FSTL1: variants seen among roughly 807,000 people sequenced by gnomAD.
FSTL1 encodes follistatin-related protein 1.
Under a neutral mutation model 45.9 loss-of-function variants are expected in FSTL1, and 24 were observed. The ratio of observed to expected loss-of-function variants is 0.52; its 90% CI spans 0.38 to 0.74. FSTL1 has a LOEUF of 0.74. Among genes scored for constraint, FSTL1 ranks in the 30% least tolerant of loss-of-function variants. The pLI is 0.00. For synonymous variants in FSTL1, 120 were observed against 137.6 expected, an observed-to-expected ratio of 0.87 and a Z score of 0.89; for missense variants, 340 against 381.8, an observed-to-expected ratio of 0.89 and a Z score of 0.91.
intron 6 of FSTL1, among the ~76,000 whole-genome samples, chr3:120,406,795 C>T (rs534610939): frequency 6.6e-6 from 1 of 152,066 alleles, no homozygotes; most frequent in East Asian, 1.9e-4. Context: ...TCTCTCTGTG[C>T]CTCTTTCCCC....
intron 3 of FSTL1, among the ~76,000 whole-genome samples, chr3:120,413,776 A>ACTCCCT (rs777544939): frequency 2.2e-4 from 8 of 35,940 alleles, no homozygotes; most frequent in African/African-American, 4.5e-4. Context: ...TAAAAAAAAA[A>ACTCCCT]CTCCCTCTCC....
At chr3:120,407,937 A>C (rs1936978097) in intron 6 of FSTL1, among the ~76,000 whole-genome samples, 1 of 152,138 alleles carries the variant, frequency 6.6e-6, no homozygotes, top group African/African-American at 2.4e-5. Flanking sequence ...TGTTGAGGGG[A>C]ATGTGGCATA....
chr3:120,412,428 G>A (rs1312967891), intron 3 of FSTL1, among the ~76,000 whole-genome samples: 1 of 152,208 alleles, frequency 6.6e-6, no homozygotes, highest in Non-Finnish European at 1.5e-5. Flanking sequence ...TCTGCCTTCT[G>A]CCATGTGAGG....
chr3:120,402,981 A>G (rs1936856472), intron 8 of FSTL1, 63 bp from the exon 9 acceptor site: 1 of 1,070,442 alleles, frequency 9.3e-7, no homozygotes, highest in Non-Finnish European at 1.5e-6. Context: ...CATCTTTGCT[A>G]CAGTCTGTGC....
intron 8 of FSTL1, 30 bp downstream of exon 8, chr3:120,403,212 A>G: frequency 8.2e-7 from 1 of 1,220,118 alleles, no homozygotes; most frequent in Non-Finnish European, 1.2e-6. Context: ...TCCATTCACT[A>G]CAGCTCTCTA....
At chr3:120,414,905 GT>G (rs1365105178) in intron 3 of FSTL1, among the ~76,000 whole-genome samples, 1 of 150,194 alleles carries the variant, frequency 6.7e-6, no homozygotes, top group Non-Finnish European at 1.5e-5. Flanking sequence ...TTGTTCACTT[GT>G]TTATCTGCTG....
intron 2 of FSTL1, among the ~76,000 whole-genome samples, chr3:120,417,021 C>G (rs1937198194): frequency 2.0e-5 from 3 of 152,162 alleles, no homozygotes; most frequent in Admixed American, 2.0e-4. Context: ...TGTGATTTCC[C>G]CAGCTTCTCA....
At chr3:120,442,731 C>T (rs1313108652) in intron 2 of FSTL1, among the ~76,000 whole-genome samples, 8 of 144,942 alleles carry the variant, frequency 5.5e-5, no homozygotes, top group East Asian at 2.1e-4. Context: ...TGCAGTGAGC[C>T]GAGATCGCAC....
chr3:120,448,955 C>T (rs2107675540), intron 2 of FSTL1, among the ~76,000 whole-genome samples: 1 of 152,332 alleles, frequency 6.6e-6, no homozygotes, highest in East Asian at 1.9e-4. Flanking sequence ...AATTCTTGAG[C>T]CTGCTGGAAA....
chr3:120,415,726 C>A, intron 3 of FSTL1, 197 bp downstream of exon 3: 3 of 493,282 alleles, frequency 6.1e-6, no homozygotes, highest in Non-Finnish European at 1.1e-5. Context: ...TCTTATAAAG[C>A]TAAATTTTTT....
rs1490859198 is a variant in FSTL1, at chr3:120,446,670, T to C, written c.63+4014A>G. On this transcript the variant is annotated intron_variant, in intron 2 of 10. Coordinates refer to ENST00000295633, the MANE Select transcript of FSTL1 (RefSeq NM_007085.5). ...GATGCAGTCAGAGATATGGGTTAGA[T>C]GCAAGGCTTACTTGAGTCTACCATC... Among the ~76,000 whole-genome samples, 9 of 152,340 alleles carry C rather than the reference T, an allele frequency of 5.9e-5. No individual in the cohort carries two copies. In the East Asian group the frequency reaches 1.7e-3, roughly 29 times the overall value.
At chr3:120,430,315 G>A (rs2107665848) in intron 2 of FSTL1, among the ~76,000 whole-genome samples, 1 of 152,244 alleles carries the variant, frequency 6.6e-6, no homozygotes, top group East Asian at 1.9e-4. Flanking sequence ...TCTCAACCCT[G>A]GTTTAAGGCT....
intron 7 of FSTL1, among the ~76,000 whole-genome samples, chr3:120,403,695 C>G (rs531475981): frequency 6.6e-6 from 1 of 151,878 alleles, no homozygotes; most frequent in Non-Finnish European, 1.5e-5. Flanking sequence ...GGTATATACA[C>G]GTCAAGTCAA....
intron 2 of FSTL1, among the ~76,000 whole-genome samples, chr3:120,425,258 C>T (rs575426958): frequency 2.4e-4 from 36 of 151,462 alleles, no homozygotes; most frequent in Admixed American, 2.2e-3. Context: ...AGAGTAGGAA[C>T]ATTCAGAGAA....
intron 2 of FSTL1, among the ~76,000 whole-genome samples, chr3:120,434,358 C>T (rs2107667914): frequency 6.6e-6 from 1 of 152,306 alleles, no homozygotes; most frequent in African/African-American, 2.4e-5. Context: ...TCTAGAGTCA[C>T]TACCAAGAGG....
chr3:120,405,237 C>A (rs1936925651), intron 6 of FSTL1, among the ~76,000 whole-genome samples: 1 of 152,182 alleles, frequency 6.6e-6, no homozygotes, highest in Non-Finnish European at 1.5e-5. Context: ...TGCTGTGTGG[C>A]CCCATCTCTG....
At position 120,394,955 on chromosome 3, in the gene FSTL1, T is replaced by C. The variant is rs1936666407; in HGVS notation, c.*1997A>G. 6.6e-6 allele frequency: 1 copy of C among 152,356 alleles called. No individual in the cohort carries two copies. Among genetic ancestry groups the C allele is most frequent in the Non-Finnish European group, 1.5e-5 (1 of 68,142 alleles). The allele number at this position is 152,356 out of a possible 1,614,324, so 9.4% of individuals were successfully genotyped here. A position where few individuals can be genotyped will look rare whatever the true frequency, so the allele number is the denominator to read the frequency against. On this transcript the variant is annotated 3_prime_UTR_variant, in exon 11 of 11. Transcript: ENST00000295633. ...TCTTGCTTTTAACAAATTGGTGTAC[T>C]CTTGCCCTCCTCCCATAGTGTCCAA...
intron 3 of FSTL1, among the ~76,000 whole-genome samples, chr3:120,414,389 C>T (rs547339935): frequency 7.4e-5 from 11 of 148,182 alleles, no homozygotes; most frequent in African/African-American, 9.9e-5. Flanking sequence ...CGTCTCTGCC[C>T]GGCCGCCCAT....
chr3:120,415,803 G>T, intron 3 of FSTL1, 120 bp downstream of exon 3: 1 of 574,710 alleles, frequency 1.7e-6, no homozygotes, highest in Non-Finnish European at 3.2e-6. Flanking sequence ...TTTTTCAGGG[G>T]GATGAAGAAT....
Sources: gnomAD v4.1 joint callset for allele counts (sites outside exome capture counted in the v4.1 genomes callset) on GRCh38, gnomAD v4.1.1 for gene constraint, MANE v1.5 for transcripts, NCBI Gene and HGNC (gene_info 2026-07-23, HGNC 2026-07-21) for gene names.